The following STT3B variants were observed in gnomAD, a reference collection of about 807,000 sequenced individuals.
The protein encoded by STT3B is dolichyl-diphosphooligosaccharide--protein glycosyltransferase subunit STT3B.
STT3B carries 29 observed loss-of-function variants against 96.8 expected under a neutral mutation model. That is an observed-to-expected ratio of 0.30 (90% confidence interval 0.22 to 0.41). The LOEUF is 0.41. Ranked by LOEUF, STT3B falls within the 10% of genes least tolerant of loss-of-function variation. STT3B has a pLI of 1.00. For missense variants in STT3B, 640 were observed against 1,022.3 expected, an observed-to-expected ratio of 0.63 and a Z score of 5.10; for synonymous variants, 367 against 360.0, an observed-to-expected ratio of 1.02 and a Z score of -0.22.
intron 1 of STT3B, among the ~76,000 whole-genome samples, chr3:31,553,080 C>A (rs979492548): frequency 7.3e-6 from 1 of 136,974 alleles, no homozygotes; most frequent in Non-Finnish European, 1.5e-5. Context: ...CCAGCCTGGG[C>A]GACAGAGCGA....
At chr3:31,607,756 G>GTT (rs879552685) in intron 5 of STT3B, among the ~76,000 whole-genome samples, 1 of 150,478 alleles carries the variant, frequency 6.6e-6, no homozygotes, top group African/African-American at 2.5e-5. Flanking sequence ...TTGGGGGGTT[G>GTT]TTGTGGTTGT....
intron 1 of STT3B, among the ~76,000 whole-genome samples, chr3:31,550,437 T>C (rs895877123): frequency 1.1e-4 from 17 of 152,198 alleles, no homozygotes; most frequent in African/African-American, 3.6e-4. Flanking sequence ...CACCCATCAG[T>C]TGCAAGAGCA....
chr3:31,610,842 C>T (rs1699165017), intron 5 of STT3B, among the ~76,000 whole-genome samples: 3 of 152,054 alleles, frequency 2.0e-5, no homozygotes, highest in Admixed American at 2.0e-4. Context: ...TGGAATTTTT[C>T]TCACACATTG....
At chr3:31,569,873 CAT>C (rs1199589329) in intron 1 of STT3B, among the ~76,000 whole-genome samples, 2 of 151,884 alleles carry the variant, frequency 1.3e-5, no homozygotes, top group East Asian at 1.9e-4. Context: ...TTATGTTACT[CAT>C]ATGTGTCATT....
intron 2 of STT3B, among the ~76,000 whole-genome samples, chr3:31,578,762 A>G (rs1171433875): frequency 2.6e-5 from 4 of 152,074 alleles, no homozygotes; most frequent in African/African-American, 9.7e-5. Flanking sequence ...ATGCTGGGGA[A>G]AAATTTCCTG....
At chr3:31,549,838 A>T (rs1251123211) in intron 1 of STT3B, among the ~76,000 whole-genome samples, 1 of 152,216 alleles carries the variant, frequency 6.6e-6, no homozygotes, top group African/African-American at 2.4e-5. Flanking sequence ...CGTGCGTTAT[A>T]TAAAGAGAAA....
At chr3:31,623,979 A>T in intron 11 of STT3B, 118 bp downstream of exon 11, 1 of 891,100 alleles carries the variant, frequency 1.1e-6, no homozygotes, top group South Asian at 2.3e-5. Flanking sequence ...GCTTGTTTTT[A>T]ATTTTTTATT....
At chr3:31,589,149 T>C (rs1267199916) in intron 3 of STT3B, among the ~76,000 whole-genome samples, 1 of 152,066 alleles carries the variant, frequency 6.6e-6, no homozygotes, top group East Asian at 1.9e-4. Flanking sequence ...ATTCCACACA[T>C]ATTCTGTTGG....
At position 31,623,000 on chromosome 3, in the gene STT3B, A is replaced by G. The variant is rs141679266; in HGVS notation, c.1540-674A>G. Among the ~76,000 whole-genome samples, 4 of 152,330 alleles carry G rather than the reference A, an allele frequency of 2.6e-5. No individual in the cohort carries two copies. In the East Asian group the frequency reaches 5.8e-4, roughly 22 times the overall value. On this transcript the variant is annotated intron_variant, in intron 10 of 15. Coordinates refer to ENST00000295770, the MANE Select transcript of STT3B (RefSeq NM_178862.3). ...TAACTTTGAAATTCTTTCCTTCTAT[A>G]AGATGAATGTAATTCATAAAGATGT...
chr3:31,610,618 A>C lies in STT3B; in HGVS notation c.878-4487A>C, dbSNP rs532946813. Among the ~76,000 whole-genome samples, 4 of 152,302 alleles carry C rather than the reference A, an allele frequency of 2.6e-5. No individual in the cohort carries two copies. The South Asian group carries it at 8.3e-4, about 32-fold the overall frequency. On this transcript the variant is annotated intron_variant, in intron 5 of 15. Coordinates refer to ENST00000295770, the MANE Select transcript of STT3B (RefSeq NM_178862.3). ...TTTCTAGAATAATTCACTTGAGCAC[A>C]TTAAGTCAAGGACTATGGTATATTT...
chr3:31,617,176 T>G, intron 7 of STT3B, 101 bp downstream of exon 7: 1 of 919,582 alleles, frequency 1.1e-6, no homozygotes, highest in Non-Finnish European at 1.5e-6. Context: ...GACTACAAAG[T>G]GATTTTTTTC....
intron 1 of STT3B, among the ~76,000 whole-genome samples, chr3:31,560,402 T>G (rs981816631): frequency 6.6e-6 from 1 of 152,104 alleles, no homozygotes; most frequent in Non-Finnish European, 1.5e-5. Flanking sequence ...TCCTTTCACT[T>G]CCAGATTAAG....
intron 5 of STT3B, among the ~76,000 whole-genome samples, chr3:31,603,801 A>G (rs1002657500): frequency 2.6e-5 from 4 of 152,210 alleles, no homozygotes; most frequent in Non-Finnish European, 5.9e-5. Flanking sequence ...CAGTGTTGCC[A>G]TATGGAATAT....
chr3:31,572,137 G>T (rs1698172284), intron 1 of STT3B, among the ~76,000 whole-genome samples: 1 of 128,622 alleles, frequency 7.8e-6, no homozygotes, highest in East Asian at 2.0e-4. Flanking sequence ...GGAAGCACCT[G>T]ATCTAAATTT....
intron 1 of STT3B, among the ~76,000 whole-genome samples, chr3:31,536,035 A>G (rs76658679): frequency 0.027 from 4,120 of 152,182 alleles, 193 homozygotes; most frequent in African/African-American, 0.094. Flanking sequence ...ACTTAATGAG[A>G]GAATCAGGTT....
Position 31,579,875 on chromosome 3 carries a change from G to A in STT3B, c.490G>A (p.Val164Ile), listed in dbSNP as rs1223992368. 1.5e-5 allele frequency: 24 copies of A among 1,613,686 alleles called. No individual in the cohort carries two copies. Among genetic ancestry groups the A allele is most frequent in the Non-Finnish European group, 1.9e-5 (23 of 1,179,664 alleles). The change falls in exon 3 of 16, where the codon GTT becomes ATT. Residue 164 changes from valine (V) to isoleucine (I), a missense_variant. Physicochemically the swap from Val to Ile is conservative, Grantham distance 29. This residue lies in a region of STT3B where 267 missense variants were observed against 388.3 expected (regional missense o/e 0.69). Coordinates refer to ENST00000295770, the MANE Select transcript of STT3B (RefSeq NM_178862.3). ...GATTTTAAATACATTGAACATAACTGTTCACATAAGAGACGTATGTGTGTT... is the reference window on the plus strand; with the variant it reads ...GATTTTAAATACATTGAACATAACTATTCACATAAGAGACGTATGTGTGTT... ...HWILNTLNITVHIRDVCVFLA... is the reference protein window; with the variant it reads ...HWILNTLNITIHIRDVCVFLA...
At chr3:31,540,267 G>T (rs1302288798) in intron 1 of STT3B, among the ~76,000 whole-genome samples, 1 of 152,072 alleles carries the variant, frequency 6.6e-6, no homozygotes, top group Non-Finnish European at 1.5e-5. Context: ...GTGTGTACTG[G>T]TTGTCTGTAA....
intron 1 of STT3B, among the ~76,000 whole-genome samples, chr3:31,544,904 TC>T (rs759651953): frequency 6.6e-6 from 1 of 152,196 alleles, no homozygotes; most frequent in Non-Finnish European, 1.5e-5. Flanking sequence ...ACCACCGCAC[TC>T]CAGCCTGGGT....
chr3:31,585,953 T>C (rs1023674307), intron 3 of STT3B, among the ~76,000 whole-genome samples: 7 of 152,108 alleles, frequency 4.6e-5, no homozygotes, highest in African/African-American at 1.7e-4. Context: ...TATTATTATT[T>C]CACTTAGGTA....
Sources: allele counts gnomAD v4.1 joint callset (sites outside exome capture counted in the v4.1 genomes callset), GRCh38; gene constraint gnomAD v4.1.1; regional missense constraint gnomAD v4.1.1; transcripts MANE v1.5; gene names NCBI Gene and HGNC (gene_info 2026-07-23, HGNC 2026-07-21).